KIF13B: variants seen among roughly 807,000 people sequenced by gnomAD.
The protein encoded by KIF13B is kinesin-like protein KIF13B.
KIF13B carries 127 observed loss-of-function variants against 222.0 expected under a neutral mutation model. That is an observed-to-expected ratio of 0.57 (90% CI 0.50 to 0.66). The LOEUF (loss-of-function observed/expected upper bound fraction) is 0.66. Among genes scored for constraint, KIF13B ranks in the 30% least tolerant of loss-of-function variants. The pLI is 0.00. For missense variants in KIF13B, 2,173 were observed against 2,379.0 expected (o/e 0.91, Z 1.80); for synonymous variants, 976 against 919.0 (o/e 1.06, Z -1.12).
At chr8:29,134,287 G>C in intron 21 of KIF13B, 77 bp from the exon 22 acceptor site, 1 of 1,400,578 alleles carries the variant, frequency 7.1e-7, no homozygotes, top group East Asian at 2.3e-5. Flanking sequence ...TTCCAGCCCC[G>C]GCTCTGTCAC....
chr8:29,243,493 CTAA>C (rs1815873940), intron 2 of KIF13B, among the ~76,000 whole-genome samples: 1 of 151,848 alleles, frequency 6.6e-6, no homozygotes, highest in African/African-American at 2.4e-5. Context: ...TCTGTCTCTA[CTAA>C]AATACAAAAA....
At chr8:29,242,432 T>C (rs1437489787) in intron 2 of KIF13B, among the ~76,000 whole-genome samples, 1 of 152,224 alleles carries the variant, frequency 6.6e-6, no homozygotes, top group African/African-American at 2.4e-5. Context: ...AAATAAGGCC[T>C]AAAGATTTAG....
chr8:29,234,180 A>T (rs1467961276), intron 2 of KIF13B, among the ~76,000 whole-genome samples: 1 of 152,134 alleles, frequency 6.6e-6, no homozygotes, highest in Admixed American at 6.5e-5. Flanking sequence ...TACCCAAAAT[A>T]ACTGAAAGCA....
Position 29,093,852 on chromosome 8 carries a change from T to C in KIF13B, c.4325-974A>G, listed in dbSNP as rs185982730. ...CTATACCGAGCCGAGAGATACATCA[T>C]ACCTCAGTTTAGAAAAGTCCAATTA... is the stretch of plus-strand genomic sequence containing the variant. On this transcript the variant is annotated intron_variant, in intron 36 of 39. Transcript: ENST00000524189. 5.3e-5 allele frequency among the ~76,000 whole-genome samples: 8 copies of C among 152,088 alleles called. No individual in the cohort carries two copies. The East Asian group carries it at 1.5e-3, about 29-fold the overall frequency.
intron 4 of KIF13B, chr8:29,189,612 A>G (rs180728400): frequency 5.6e-4 from 86 of 152,384 alleles, no homozygotes; most frequent in African/African-American, 2.0e-3. Flanking sequence ...CTTTCCATCA[A>G]AAAGAGAAAA....
chr8:29,211,098 G>C (rs1471944205), intron 2 of KIF13B, among the ~76,000 whole-genome samples: 1 of 152,230 alleles, frequency 6.6e-6, no homozygotes, highest in Non-Finnish European at 1.5e-5. Context: ...AGACAGCTCA[G>C]AAGTGGTGCC....
At position 29,230,854 on chromosome 8, in the gene KIF13B, C is replaced by T. The variant is rs529677963; in HGVS notation, c.149+14492G>A. Among the ~76,000 whole-genome samples the T allele has an allele frequency of 1.7e-3, 258 of 152,274 alleles. 2 individuals carry two copies. The highest frequency in any genetic ancestry group is 5.8e-3 in the African/African-American group (243 of 41,548). On this transcript the variant is annotated intron_variant, in intron 2 of 39. Transcript: ENST00000524189. The stretch of plus-strand genomic sequence containing the variant: ...CAAGGCATAAAGTCTTGGTCCAATG[C>T]CAGAGTGTGACCTAATATTTTGTTT...
chr8:29,224,443 C>T (rs1044715252), intron 2 of KIF13B, among the ~76,000 whole-genome samples: 1 of 152,162 alleles, frequency 6.6e-6, no homozygotes, highest in Non-Finnish European at 1.5e-5. Context: ...GGAATAATTG[C>T]TTCAACTTCA....
chr8:29,174,839 C>A (rs1214069082), intron 10 of KIF13B, among the ~76,000 whole-genome samples: 1 of 152,106 alleles, frequency 6.6e-6, no homozygotes, highest in Non-Finnish European at 1.5e-5. Flanking sequence ...AAATAGTGTG[C>A]AGAGTTTTGA....
rs961460531 is a variant in KIF13B, at chr8:29,123,596, C to G, written c.3353-104G>C. The G allele has an allele frequency of 1.6e-5, 23 of 1,439,706 alleles. No individual in the cohort carries two copies. In the African/African-American group the frequency reaches 2.9e-4, roughly 18 times the overall value. 89.2% of individuals were successfully genotyped at this position (1,439,706 alleles called of 1,614,324 possible). A position where few individuals can be genotyped will look rare whatever the true frequency, so the allele number is the denominator to read the frequency against. The stretch of plus-strand genomic sequence containing the variant: ...TGCCTATATTTCAATTATTAGCTCA[C>G]AAGTGCTCCCCAGTGATAAAAACTA... On this transcript the variant is annotated intron_variant, in intron 27 of 39. Transcript: ENST00000524189.
At chr8:29,231,684 G>A (rs191130706) in intron 2 of KIF13B, among the ~76,000 whole-genome samples, 480 of 152,078 alleles carry the variant, frequency 3.2e-3, no homozygotes, top group Non-Finnish European at 4.8e-3. Context: ...ACCATGTACC[G>A]ATTCTTATGA....
intron 2 of KIF13B, among the ~76,000 whole-genome samples, chr8:29,213,971 A>T (rs909795220): frequency 2.0e-4 from 30 of 152,164 alleles, no homozygotes; most frequent in African/African-American, 5.8e-4. Flanking sequence ...TAAATAAAAT[A>T]AAATAAAATA....
rs768356075 is a variant in KIF13B, at chr8:29,123,508, T to C, written c.3353-16A>G. 8.7e-6 allele frequency: 14 copies of C among 1,613,312 alleles called. No homozygotes were observed. Among genetic ancestry groups the C allele is most frequent in the Non-Finnish European group, 6.8e-6 (8 of 1,179,686 alleles). Reference sequence around the variant, plus strand: ...TCTGTTTTATCTAGAACATCGAGAATGAGGATTCAATGACAAAACTTCACT... The same window carrying C: ...TCTGTTTTATCTAGAACATCGAGAACGAGGATTCAATGACAAAACTTCACT... On this transcript the variant is annotated splice_polypyrimidine_tract_variant and intron_variant, in intron 27 of 39. Coordinates refer to ENST00000524189, the MANE Select transcript of KIF13B (RefSeq NM_015254.4).
At chr8:29,133,475 C>T (rs143504183) in intron 22 of KIF13B, among the ~76,000 whole-genome samples, 30 of 152,294 alleles carry the variant, frequency 2.0e-4, no homozygotes, top group Non-Finnish European at 3.4e-4. Flanking sequence ...CCTGTAATCC[C>T]AGCTACTTGG....
intron 1 of KIF13B, among the ~76,000 whole-genome samples, chr8:29,252,734 T>C (rs947190145): frequency 2.0e-5 from 3 of 152,220 alleles, no homozygotes; most frequent in African/African-American, 7.2e-5. Flanking sequence ...AGGAAGGACT[T>C]GTTTTCCCAA....
chr8:29,188,900 T>C (rs1463522256), intron 4 of KIF13B, among the ~76,000 whole-genome samples: 1 of 152,208 alleles, frequency 6.6e-6, no homozygotes, highest in Non-Finnish European at 1.5e-5. Flanking sequence ...ATTATAAATA[T>C]CTGAAATTTA....
chr8:29,149,964 AT>A (rs1229746919), intron 15 of KIF13B, among the ~76,000 whole-genome samples: 3 of 152,218 alleles, frequency 2.0e-5, no homozygotes, highest in Admixed American at 6.5e-5. Flanking sequence ...CCGTAAAAAA[AT>A]AAATAAAAAA....
In KIF13B at chr8:29,116,853, C is replaced by T; in HGVS notation, c.3815G>A (p.Cys1272Tyr). 1 of 1,601,932 alleles carries T rather than the reference C, an allele frequency of 6.2e-7. No individual in the cohort carries two copies. Among genetic ancestry groups the T allele is most frequent in the Non-Finnish European group, 8.5e-7 (1 of 1,172,856 alleles). The change falls in exon 31 of 40, where the codon TGT becomes TAT. Residue 1272 changes from cysteine to tyrosine, a missense_variant. Transcript: ENST00000524189. The stretch of plus-strand genomic sequence containing the variant: ...AACCTGGCGGCCGTGAACATTGACA[C>T]AGATTCTCTTGCGTAACACCAGTTG... ...DMQLVLRKRI[C>Y]VNVHGRQGFA...
chr8:29,188,449 A>C, intron 5 of KIF13B, 66 bp downstream of exon 5: 1 of 1,028,890 alleles, frequency 9.7e-7, no homozygotes, highest in Middle Eastern at 2.4e-4. Flanking sequence ...TACTCAGTAA[A>C]ATAAACATGG....
Sources: gnomAD v4.1 joint callset for allele counts (sites outside exome capture counted in the v4.1 genomes callset) on GRCh38, gnomAD v4.1.1 for gene constraint, MANE v1.5 for transcripts, NCBI Gene and HGNC (gene_info 2026-07-23, HGNC 2026-07-21) for gene names.